PTPRZ1: variants seen among roughly 807,000 people sequenced by gnomAD.
The protein encoded by PTPRZ1 is receptor-type tyrosine-protein phosphatase zeta.
PTPRZ1 carries 82 observed loss-of-function variants against 214.1 expected under a neutral mutation model. The ratio of observed to expected loss-of-function variants is 0.38; its 90% confidence interval spans 0.32 to 0.46. The LOEUF (loss-of-function observed/expected upper bound fraction) is 0.46. PTPRZ1 is among the 20% of genes least tolerant of loss of function. PTPRZ1 has a pLI of 1.00. For synonymous variants in PTPRZ1, 945 were observed against 987.9 expected, an observed-to-expected ratio of 0.96 and a Z score of 0.81; for missense variants, 2,603 against 2,748.7, an observed-to-expected ratio of 0.95 and a Z score of 1.19.
chr7:121,984,740 C>T (rs1236965283), intron 8 of PTPRZ1, among the ~76,000 whole-genome samples: 2 of 152,022 alleles, frequency 1.3e-5, no homozygotes, highest in Non-Finnish European at 2.9e-5. Flanking sequence ...TTTTTAGGTA[C>T]AGCCAAGGGA....
chr7:121,989,012 C>T (rs913830364), intron 8 of PTPRZ1, among the ~76,000 whole-genome samples: 3 of 152,098 alleles, frequency 2.0e-5, no homozygotes, highest in African/African-American at 4.8e-5. Context: ...GAAATAGTTT[C>T]CTCTGTGACT....
intron 1 of PTPRZ1, among the ~76,000 whole-genome samples, chr7:121,913,320 G>A (rs559022435): frequency 6.6e-5 from 10 of 152,136 alleles, no homozygotes; most frequent in Admixed American, 1.3e-4. Flanking sequence ...GGTGCCACTC[G>A]TGAATTACAC....
intron 23 of PTPRZ1, among the ~76,000 whole-genome samples, chr7:122,045,608 T>A (rs996170180): frequency 6.6e-6 from 1 of 151,952 alleles, no homozygotes; most frequent in South Asian, 2.1e-4. Context: ...GAAAAGAGTA[T>A]GCAGTTGGTT....
At chr7:121,890,724 C>T (rs1410586108) in intron 1 of PTPRZ1, among the ~76,000 whole-genome samples, 1 of 151,980 alleles carries the variant, frequency 6.6e-6, no homozygotes, top group African/African-American at 2.4e-5. Context: ...GGCTGGAGTG[C>T]AGTGGTATGA....
At chr7:121,940,885 G>C (rs4731044) in intron 2 of PTPRZ1, among the ~76,000 whole-genome samples, 93,844 of 151,752 alleles carry the variant, frequency 0.62, 29,577 homozygotes, top group African/African-American at 0.74. Context: ...CATTCCTCAT[G>C]ATTACCTTCC....
chr7:122,050,650 A>G (rs905630466), intron 23 of PTPRZ1, among the ~76,000 whole-genome samples: 2 of 152,250 alleles, frequency 1.3e-5, no homozygotes, highest in East Asian at 1.9e-4. Context: ...TTTACACACT[A>G]TAGATTTACA....
chr7:122,007,378 G>C (rs1432571971), intron 11 of PTPRZ1, among the ~76,000 whole-genome samples: 2 of 152,116 alleles, frequency 1.3e-5, no homozygotes, highest in African/African-American at 4.8e-5. Context: ...TAAAATAAAG[G>C]ATACAGGAGC....
chr7:121,884,434 G>A (rs942587764), intron 1 of PTPRZ1, among the ~76,000 whole-genome samples: 1 of 151,882 alleles, frequency 6.6e-6, no homozygotes, highest in African/African-American at 2.4e-5. Context: ...AACTGATACT[G>A]CTTTATTTTG....
At chr7:121,937,907 A>G (rs1312088644) in intron 2 of PTPRZ1, among the ~76,000 whole-genome samples, 1 of 152,170 alleles carries the variant, frequency 6.6e-6, no homozygotes, top group Non-Finnish European at 1.5e-5. Context: ...CTTCACAAGT[A>G]TTGTAAGTGC....
Position 121,984,109 on chromosome 7 carries a change from A to G in PTPRZ1, c.920A>G (p.His307Arg). ...TCATACACTGGAAAGGAAGAGATTC[A>G]TGAAGCAGGTATGTATTTAAATATA... ...FSSYTGKEEIHEAVCSSEPEN... is the reference protein window; with the variant it reads ...FSSYTGKEEIREAVCSSEPEN... The change falls in exon 8 of 30, where the codon CAT (histidine) becomes CGT (arginine). Residue 307 changes from histidine (H) to arginine (R), a missense_variant. By Grantham distance (29) the His-to-Arg change is conservative (BLOSUM62 0). Coordinates refer to ENST00000393386, the MANE Select transcript of PTPRZ1 (RefSeq NM_002851.3). 6.2e-7 allele frequency: 1 copy of G among 1,612,338 alleles called. No homozygotes were observed. The highest frequency in any genetic ancestry group is 8.5e-7 in the Non-Finnish European group (1 of 1,179,000).
intron 10 of PTPRZ1, among the ~76,000 whole-genome samples, chr7:122,001,628 C>T (rs917142068): frequency 2.6e-5 from 4 of 152,126 alleles, no homozygotes; most frequent in Admixed American, 6.5e-5. Flanking sequence ...GCTTTTATTT[C>T]GTGCACTGTG....
chr7:122,052,153 T>C (rs1159817879), intron 25 of PTPRZ1, among the ~76,000 whole-genome samples: 1 of 152,164 alleles, frequency 6.6e-6, no homozygotes, highest in Admixed American at 6.5e-5. Flanking sequence ...GCAAGACCAA[T>C]TAGCAGATGC....
chr7:122,033,697 CA>C (rs1272004107), intron 15 of PTPRZ1, among the ~76,000 whole-genome samples: 1 of 151,730 alleles, frequency 6.6e-6, no homozygotes, highest in African/African-American at 2.4e-5. Flanking sequence ...AAAATAAAAA[CA>C]AAAAAGCACA....
intron 8 of PTPRZ1, among the ~76,000 whole-genome samples, chr7:121,989,981 A>G (rs1797899362): frequency 6.6e-6 from 1 of 152,102 alleles, no homozygotes; most frequent in Admixed American, 6.6e-5. Flanking sequence ...ATGTCTGTTT[A>G]CTGATTTTTT....
chr7:122,031,403 A>G, intron 14 of PTPRZ1, 71 bp from the exon 15 acceptor site: 1 of 1,065,776 alleles, frequency 9.4e-7, no homozygotes, highest in African/African-American at 1.6e-5. Flanking sequence ...TTCAGAAGCT[A>G]CTTTATAAGT....
intron 2 of PTPRZ1, among the ~76,000 whole-genome samples, chr7:121,959,222 C>G (rs1258168888): frequency 6.6e-6 from 1 of 152,194 alleles, no homozygotes; most frequent in African/African-American, 2.4e-5. Flanking sequence ...CTGTAACCCC[C>G]TGCCAATAGC....
chr7:121,973,446 G>T (rs1395046122), intron 4 of PTPRZ1, among the ~76,000 whole-genome samples: 1 of 152,018 alleles, frequency 6.6e-6, no homozygotes, highest in South Asian at 2.1e-4. Context: ...TTGACTGAGA[G>T]TGGAGTCTGA....
rs181121502 is a variant in PTPRZ1, at chr7:121,971,625, C to A, written c.305-916C>A. ...ATAAGGTTTATACAGTATCTACTTA[C>A]CAAGGTTGTGCGAAGATCAAATGGA... On this transcript the variant is annotated intron_variant, in intron 3 of 29. Transcript: ENST00000393386. Among the ~76,000 whole-genome samples the A allele has an allele frequency of 2.1e-4, 32 of 152,242 alleles. 1 individual carries two copies. Among genetic ancestry groups the A allele is most frequent in the African/African-American group, 7.5e-4 (31 of 41,566 alleles).
At chr7:122,022,052 CT>C (rs1305858633) in intron 13 of PTPRZ1, among the ~76,000 whole-genome samples, 1 of 151,992 alleles carries the variant, frequency 6.6e-6, no homozygotes, top group African/African-American at 2.4e-5. Context: ...CATTTTAGAC[CT>C]TTGTAAAAGC....
Sources: allele counts gnomAD v4.1 joint callset (sites outside exome capture counted in the v4.1 genomes callset), GRCh38; gene constraint gnomAD v4.1.1; transcripts MANE v1.5; gene names NCBI Gene and HGNC (gene_info 2026-07-23, HGNC 2026-07-21).